Variants in LYPLAL1 observed in about 807,000 individuals in gnomAD.
The protein encoded by LYPLAL1 is lysophospholipase like 1.
LYPLAL1 carries 23 observed loss-of-function variants against 19.7 expected under a neutral mutation model. That is an observed-to-expected ratio of 1.17 (90% CI 0.84 to 1.65). The LOEUF (loss-of-function observed/expected upper bound fraction) is 1.65, where lower values mean the gene tolerates loss of function less well. Ranked by LOEUF, LYPLAL1 falls within the 40% of genes most tolerant of loss-of-function variation. The probability of loss-of-function intolerance (pLI) is 0.00; values close to 1 mark genes in which losing one functional copy is unlikely to be tolerated. For synonymous variants in LYPLAL1, 119 were observed against 96.3 expected (o/e 1.24, Z -1.38); for missense variants, 355 against 279.4 (o/e 1.27, Z -1.93).
At chr1:219,245,175 C>CCCTTCCTTCCTTCCTTCCTTCCTT in the LYPLAL1 span, among the ~76,000 whole-genome samples, 7 of 132,620 alleles carry the variant, frequency 5.3e-5, no homozygotes, top group African/African-American at 2.1e-4. Context: ...CCTCTTCCAT[C>CCCTTCCTTCCTTCCTTCCTTCCTT]CCTTCCTTCC....
the LYPLAL1 span, among the ~76,000 whole-genome samples, chr1:219,283,178 T>G: frequency 6.6e-6 from 1 of 152,202 alleles, no homozygotes; most frequent in Non-Finnish European, 1.5e-5. Context: ...TAGCTCCATA[T>G]TTGGTGCTCT....
chr1:219,363,463 T>C, the LYPLAL1 span, among the ~76,000 whole-genome samples: 1 of 152,212 alleles, frequency 6.6e-6, no homozygotes, highest in Admixed American at 6.5e-5. Context: ...CATTTTCTTT[T>C]ACCTTTTTTT....
the LYPLAL1 span, among the ~76,000 whole-genome samples, chr1:219,220,245 G>A: frequency 6.6e-6 from 1 of 152,064 alleles, no homozygotes; most frequent in South Asian, 2.1e-4. Flanking sequence ...GGTACTTGGC[G>A]AGTAATGTAC....
chr1:219,207,768 A>T (rs919780640), intron 3 of LYPLAL1, among the ~76,000 whole-genome samples: 17 of 152,042 alleles, frequency 1.1e-4, no homozygotes, highest in Non-Finnish European at 8.8e-5. Flanking sequence ...TTTGAATTTT[A>T]TGTTTAATAA....
chr1:219,420,914 T>C, the LYPLAL1 span, among the ~76,000 whole-genome samples: 14 of 152,306 alleles, frequency 9.2e-5, no homozygotes, highest in Admixed American at 5.9e-4. Context: ...GTAATTTAAG[T>C]CCATTCTGAA....
chr1:219,177,420 C>T (rs1420976298), intron 1 of LYPLAL1, among the ~76,000 whole-genome samples: 1 of 152,194 alleles, frequency 6.6e-6, no homozygotes, highest in Non-Finnish European at 1.5e-5. Flanking sequence ...TCCTTAAGGA[C>T]CCTAGGCTGG....
chr1:219,174,849 A>G, intron 1 of LYPLAL1: 3 of 971,724 alleles, frequency 3.1e-6, no homozygotes, highest in Non-Finnish European at 3.7e-6. Flanking sequence ...GTTAAAAACA[A>G]AAACAATCCA....
the LYPLAL1 span, among the ~76,000 whole-genome samples, chr1:219,399,188 GACTGTGCA>G: frequency 6.6e-6 from 1 of 152,192 alleles, no homozygotes; most frequent in African/African-American, 2.4e-5. Flanking sequence ...GCCTCCCAGT[GACTGTGCA>G]CACAGTCACA....
chr1:219,315,635 T>C, the LYPLAL1 span, among the ~76,000 whole-genome samples: 3 of 152,160 alleles, frequency 2.0e-5, no homozygotes, highest in Non-Finnish European at 4.4e-5. Context: ...ATTTGAAAAA[T>C]AGTTCAAGAT....
At chr1:219,368,716 A>G in the LYPLAL1 span, among the ~76,000 whole-genome samples, 1 of 152,106 alleles carries the variant, frequency 6.6e-6, no homozygotes, top group Non-Finnish European at 1.5e-5. Flanking sequence ...ACAATTCTGA[A>G]CTATCTACAC....
chr1:219,282,879 A>G, the LYPLAL1 span, among the ~76,000 whole-genome samples: 1 of 152,224 alleles, frequency 6.6e-6, no homozygotes, highest in Non-Finnish European at 1.5e-5. Context: ...GGGAAGGTTC[A>G]TGATTACAGC....
chr1:219,199,356 A>T lies in LYPLAL1; in HGVS notation c.361+6105A>T, dbSNP rs149755671. Among the ~76,000 whole-genome samples the T allele has an allele frequency of 2.5e-3, 387 of 152,298 alleles. 1 individual carries two copies. Among genetic ancestry groups the T allele is most frequent in the Middle Eastern group, 6.8e-3 (2 of 294 alleles). On this transcript the variant is annotated intron_variant, in intron 3 of 4. Coordinates refer to ENST00000366928, the MANE Select transcript of LYPLAL1 (RefSeq NM_138794.5). ...TAATATTATTTAAGTGTATGGTAAAAAATTTTATAACACTTCTTTTTAAAA... is the reference window on the plus strand; with the variant it reads ...TAATATTATTTAAGTGTATGGTAAATAATTTTATAACACTTCTTTTTAAAA...
At chr1:219,294,925 A>G in the LYPLAL1 span, among the ~76,000 whole-genome samples, 2 of 152,056 alleles carry the variant, frequency 1.3e-5, no homozygotes, top group Admixed American at 1.3e-4. Context: ...CAATTAAGGG[A>G]ATTGTATCTC....
At chr1:219,213,710 C>T (rs1166955951), downstream of LYPLAL1, among the ~76,000 whole-genome samples, 1 of 151,868 alleles carries the variant, frequency 6.6e-6, no homozygotes, top group Non-Finnish European at 1.5e-5. Flanking sequence ...TTCCAAGTGC[C>T]CTTTGCTAGC....
chr1:219,411,042 C>G, the LYPLAL1 span, among the ~76,000 whole-genome samples: 1 of 152,178 alleles, frequency 6.6e-6, no homozygotes, highest in Non-Finnish European at 1.5e-5. Context: ...TGCGAGCGCA[C>G]GGCACAGGAC....
intron 3 of LYPLAL1, among the ~76,000 whole-genome samples, chr1:219,206,522 C>G (rs1658579934): frequency 6.6e-6 from 1 of 151,922 alleles, no homozygotes; most frequent in African/African-American, 2.4e-5. Context: ...TCAAAGACGG[C>G]TAGTGAGGAG....
At chr1:219,440,440 T>A in the LYPLAL1 span, among the ~76,000 whole-genome samples, 1 of 152,094 alleles carries the variant, frequency 6.6e-6, no homozygotes, top group Non-Finnish European at 1.5e-5. Context: ...TGGATCTTCA[T>A]GTACCATAGA....
At chr1:219,284,136 A>G in the LYPLAL1 span, among the ~76,000 whole-genome samples, 1 of 152,196 alleles carries the variant, frequency 6.6e-6, no homozygotes, top group African/African-American at 2.4e-5. Flanking sequence ...GCCATGTAAG[A>G]CATGCCTTGC....
chr1:219,384,725 T>G, the LYPLAL1 span, among the ~76,000 whole-genome samples: 1 of 152,226 alleles, frequency 6.6e-6, no homozygotes, highest in Non-Finnish European at 1.5e-5. Context: ...TTATTTGTAT[T>G]GTTTGATCTG....
Sources: gnomAD v4.1 joint callset for allele counts (sites outside exome capture counted in the v4.1 genomes callset) on GRCh38, gnomAD v4.1.1 for gene constraint, MANE v1.5 for transcripts, NCBI Gene and HGNC (gene_info 2026-07-23, HGNC 2026-07-21) for gene names.